DPM2: variants seen among roughly 807,000 people sequenced by gnomAD.
DPM2 encodes the protein dolichol phosphate-mannose biosynthesis regulatory protein.
A neutral mutation model predicts 12.1 loss-of-function variants in DPM2; 8 were observed. The observed-to-expected ratio is 0.66, with a 90% CI of 0.39 to 1.19. The LOEUF is 1.19. Ranked by LOEUF, DPM2 falls within the 50% of genes most tolerant of loss-of-function variation. DPM2 has a pLI of 0.01. For synonymous variants in DPM2, 38 were observed against 44.7 expected, an observed-to-expected ratio of 0.85 and a Z score of 0.60; for missense variants, 93 against 102.5, an observed-to-expected ratio of 0.91 and a Z score of 0.40.
In DPM2 at chr9:127,935,606, G is replaced by C. The variant is rs925041268; in HGVS notation, c.*116C>G. On this transcript the variant is annotated 3_prime_UTR_variant, in exon 4 of 4. Coordinates refer to ENST00000314392, the MANE Select transcript of DPM2 (RefSeq NM_003863.4). ...GCTCCATGCCATGGGGACTCTGCAG[G>C]ACAGGCAGGCTTGAGGAGCCACTGT... is the stretch of plus-strand genomic sequence containing the variant. 4 of 1,050,226 alleles carry C rather than the reference G, an allele frequency of 3.8e-6. No individual in the cohort carries two copies. The highest frequency in any genetic ancestry group is 5.8e-6 in the Non-Finnish European group (4 of 694,144). 65.1% of individuals were successfully genotyped at this position (1,050,226 alleles called of 1,614,324 possible).
At chr9:127,936,729 T>G (rs1831512363) in intron 2 of DPM2, 74 bp from the exon 3 acceptor site, 1 of 1,344,490 alleles carries the variant, frequency 7.4e-7, no homozygotes, top group South Asian at 1.7e-5. Flanking sequence ...TCCCACCTCC[T>G]CCATCTAAGG....
Position 127,936,559 on chromosome 9 carries a change from A to ACAGGAGCAG in DPM2, c.181_189dup (p.Leu61_Leu63dup). On this transcript the variant is annotated inframe_insertion, in exon 3 of 4. Transcript: ENST00000314392. ...GGAGGAGGTGATGACTTACCCACAA[A>ACAGGAGCAG]CAGGAGCAGCAGGAGGCCTGCAGCC... 1 of 1,590,286 alleles carries ACAGGAGCAG rather than the reference A, an allele frequency of 6.3e-7. No homozygotes were observed. Among genetic ancestry groups the ACAGGAGCAG allele is most frequent in the Non-Finnish European group, 8.6e-7 (1 of 1,164,904 alleles).
intron 3 of DPM2, 185 bp downstream of exon 3, chr9:127,936,367 CA>C: frequency 2.0e-6 from 3 of 1,537,276 alleles, no homozygotes; most frequent in Non-Finnish European, 2.6e-6. Context: ...CATTGGAGTC[CA>C]AAAAGCCTGG....
intron 1 of DPM2, 27 bp from the exon 2 acceptor site, chr9:127,937,550 C>A (rs770692045): frequency 6.4e-7 from 1 of 1,572,734 alleles, no homozygotes; most frequent in Non-Finnish European, 8.7e-7. Flanking sequence ...TCTCAGCTGA[C>A]GAAGTGACCC....
chr9:127,936,625 T>C lies in DPM2; in HGVS notation c.124A>G (p.Lys42Glu), dbSNP rs370170911. The C allele has an allele frequency of 8.6e-6, 13 of 1,515,622 alleles. No individual in the cohort carries two copies. The highest frequency in any genetic ancestry group is 1.2e-5 in the Non-Finnish European group (13 of 1,130,150). 93.9% of individuals were successfully genotyped at this position (1,515,622 alleles called of 1,614,324 possible). Reference protein sequence around the residue: ...PFIDSQHVIHKYFLPRAYAVA... With the variant: ...PFIDSQHVIHEYFLPRAYAVA... ...GCATAGGCTCGGGGCAGGAAATACTTGTGGATGACATGCTGACTGTCGATG... is the reference window on the plus strand; with the variant it reads ...GCATAGGCTCGGGGCAGGAAATACTCGTGGATGACATGCTGACTGTCGATG... Residue 42 changes from lysine to glutamate, a missense_variant, in exon 3 of 4, where the codon AAG becomes GAG. By Grantham distance (56) the Lys-to-Glu change is moderately conservative. Coordinates refer to ENST00000314392, the MANE Select transcript of DPM2 (RefSeq NM_003863.4).
chr9:127,935,562 T>C lies in DPM2; in HGVS notation c.*160A>G. ...TGGAAGTGGGAGTCGGGGAGGGGGCTCCAGTCAGTCAGGTGTAAGCTCCAT... is the reference window on the plus strand; with the variant it reads ...TGGAAGTGGGAGTCGGGGAGGGGGCCCCAGTCAGTCAGGTGTAAGCTCCAT... On this transcript the variant is annotated 3_prime_UTR_variant, in exon 4 of 4. Coordinates refer to ENST00000314392, the MANE Select transcript of DPM2 (RefSeq NM_003863.4). The C allele has an allele frequency of 1.4e-6, 1 of 719,184 alleles. No individual in the cohort carries two copies. The allele number at this position is 719,184 out of a possible 1,614,324, so 44.6% of individuals were successfully genotyped here. A position where few individuals can be genotyped will look rare whatever the true frequency, so the allele number is the denominator to read the frequency against.
At chr9:127,937,628 A>C in intron 1 of DPM2, 105 bp from the exon 2 acceptor site, 1 of 1,229,756 alleles carries the variant, frequency 8.1e-7, no homozygotes, top group Non-Finnish European at 1.2e-6. Flanking sequence ...CCCATTCAAC[A>C]GATGGTAGAG....
At chr9:127,936,802 G>A in intron 2 of DPM2, 147 bp from the exon 3 acceptor site, 1 of 649,170 alleles carries the variant, frequency 1.5e-6, no homozygotes, top group Non-Finnish European at 2.3e-6. Flanking sequence ...GCATTTGGGT[G>A]TCGTGGTTTG....
Position 127,935,647 on chromosome 9 carries a change from G to A in DPM2, c.*75C>T, listed in dbSNP as rs1260870766. 2.0e-6 allele frequency: 3 copies of A among 1,511,984 alleles called. No individual in the cohort carries two copies. Among genetic ancestry groups the A allele is most frequent in the Admixed American group, 1.8e-5 (1 of 56,130 alleles). 93.7% of individuals were successfully genotyped at this position (1,511,984 alleles called of 1,614,324 possible). On this transcript the variant is annotated 3_prime_UTR_variant, in exon 4 of 4. Transcript: ENST00000314392. ...GAGCCACTGTGCCTGGACAGGTTCT[G>A]CAGGCTCCCCCACTTGGTCCCTGTG...
chr9:127,937,717 G>T, intron 1 of DPM2, 101 bp downstream of exon 1: 3 of 1,482,308 alleles, frequency 2.0e-6, no homozygotes, highest in Non-Finnish European at 1.9e-6. Context: ...GTGGGGGCGG[G>T]AGAGCAATCC....
At chr9:127,936,520 G>A (rs572739747) in intron 3 of DPM2, 33 bp downstream of exon 3, 4 of 1,603,666 alleles carry the variant, frequency 2.5e-6, no homozygotes, top group Admixed American at 1.7e-5. Context: ...CCGAAACCCT[G>A]CCCAGGGTCA....
In DPM2 at chr9:127,937,449, G is replaced by T. The variant is rs1831526791; in HGVS notation, c.78C>A (p.Ala26=). The T allele has an allele frequency of 6.2e-7, 1 of 1,613,478 alleles. No homozygotes were observed. The highest frequency in any genetic ancestry group is 1.3e-5 in the African/African-American group (1 of 74,922). The change falls in exon 2 of 4, where the codon GCC becomes GCA. Residue 26 remains alanine, a synonymous_variant. Transcript: ENST00000314392. ...AATGACATACCAAGAGAATCACCCA[G>T]GCGGTGTAGTAGGTGAAGATGATCA... ...VSLIIFTYYT[A]WVILLPFIDS... is the part of the protein sequence containing the mutation.
chr9:127,937,543 C>T lies in DPM2; in HGVS notation c.4-20G>A. ...CGTGGCCTGGAGAAAAGGGAGGTCTCAGCTGACGAAGTGACCCTCTATTTC... is the reference window on the plus strand; with the variant it reads ...CGTGGCCTGGAGAAAAGGGAGGTCTTAGCTGACGAAGTGACCCTCTATTTC... On this transcript the variant is annotated intron_variant, in intron 1 of 3. Transcript: ENST00000314392. 1 of 1,597,892 alleles carries T rather than the reference C, an allele frequency of 6.3e-7. No individual in the cohort carries two copies.
At chr9:127,937,040 C>T (rs41276216) in intron 2 of DPM2, 2 of 277,698 alleles carry the variant, frequency 7.2e-6, no homozygotes, top group Non-Finnish European at 1.3e-5. Context: ...CTTCCAGACA[C>T]ACTGCACTTC....
Position 127,935,488 on chromosome 9 carries a change from CAAG to C in DPM2, c.*231_*233del. On this transcript the variant is annotated 3_prime_UTR_variant, in exon 4 of 4. Coordinates refer to ENST00000314392, the MANE Select transcript of DPM2 (RefSeq NM_003863.4). Reference sequence around the variant, plus strand: ...GGACCAGCATCTTTTAGGCCCTGAGCAAGAAGGAGGTGACCGGAGTCTTCCAGG... The same window carrying C: ...GGACCAGCATCTTTTAGGCCCTGAGCAAGGAGGTGACCGGAGTCTTCCAGG... 1 of 582,748 alleles carries C rather than the reference CAAG, an allele frequency of 1.7e-6. No individual in the cohort carries two copies. The highest frequency in any genetic ancestry group is 3.1e-6 in the Non-Finnish European group (1 of 326,780). The allele number at this position is 582,748 out of a possible 1,614,324, so 36.1% of individuals were successfully genotyped here.
Position 127,937,429 on chromosome 9 carries a change from C to A in DPM2, c.93+5G>T. On this transcript the variant is annotated splice_donor_5th_base_variant and intron_variant, in intron 2 of 3. Transcript: ENST00000314392. ...GGTGAGCAGCGGACGGGGAGAATGACATACCAAGAGAATCACCCAGGCGGT... is the reference window on the plus strand; with the variant it reads ...GGTGAGCAGCGGACGGGGAGAATGAAATACCAAGAGAATCACCCAGGCGGT... 6.2e-7 allele frequency: 1 copy of A among 1,610,816 alleles called. No individual in the cohort carries two copies. The highest frequency in any genetic ancestry group is 1.1e-5 in the South Asian group (1 of 90,762).
In DPM2 at chr9:127,936,535, G is replaced by C. The variant is rs774675353; in HGVS notation, c.196+18C>G. 8.1e-6 allele frequency: 13 copies of C among 1,601,694 alleles called. No homozygotes were observed. The highest frequency in any genetic ancestry group is 1.1e-5 in the Non-Finnish European group (13 of 1,172,104). ...CCGAAACCCTGCCCAGGGTCAAGGG[G>C]AGGAGGTGATGACTTACCCACAAAC... On this transcript the variant is annotated intron_variant, in intron 3 of 3. Transcript: ENST00000314392.
intron 2 of DPM2, chr9:127,937,205 A>C (rs1831521043): frequency 3.1e-5 from 13 of 423,234 alleles, no homozygotes; most frequent in Non-Finnish European, 5.1e-5. Flanking sequence ...CAGAGTTATA[A>C]GTGTAGCGGC....
Position 127,937,848 on chromosome 9 carries a change from G to T in DPM2, c.-28C>A, listed in dbSNP as rs553473071. The stretch of plus-strand genomic sequence containing the variant: ...CCCCGCGCGCTCAGCCACCCGAGCC[G>T]CAAGCCACATCCGGTTCCGGGTCCA... On this transcript the variant is annotated 5_prime_UTR_variant, in exon 1 of 4. Coordinates refer to ENST00000314392, the MANE Select transcript of DPM2 (RefSeq NM_003863.4). 9 of 1,593,948 alleles carry T rather than the reference G, an allele frequency of 5.6e-6. No homozygotes were observed. The South Asian group carries it at 9.1e-5, about 16-fold the overall frequency.
Sources: gnomAD v4.1 joint callset for allele counts on GRCh38, gnomAD v4.1.1 for gene constraint, MANE v1.5 for transcripts, NCBI Gene and HGNC (gene_info 2026-07-23, HGNC 2026-07-21) for gene names.